Variants in PIEZO2 observed in about 807,000 individuals in gnomAD.
The protein encoded by PIEZO2 is piezo type mechanosensitive ion channel component 2, also known as piezo-type mechanosensitive ion channel component 2.
Under a neutral mutation model 337.3 loss-of-function variants are expected in PIEZO2, and 172 were observed. That is an observed-to-expected ratio of 0.51 (90% CI 0.45 to 0.58). The LOEUF is 0.58. PIEZO2 is among the 20% of genes least tolerant of loss of function. The pLI is 0.00. For missense variants in PIEZO2, 3,028 were observed against 3,391.3 expected (o/e 0.89, Z 2.66); for synonymous variants, 1,251 against 1,228.5 (o/e 1.02, Z -0.38).
At chr18:11,024,639 T>G (rs983770507) in intron 2 of PIEZO2, among the ~76,000 whole-genome samples, 1 of 151,880 alleles carries the variant, frequency 6.6e-6, no homozygotes, top group African/African-American at 2.4e-5. Flanking sequence ...TTTAAGGTTT[T>G]GTTTTGTTTC....
chr18:10,723,697 G>A (rs753649764), intron 36 of PIEZO2, among the ~76,000 whole-genome samples: 6 of 152,238 alleles, frequency 3.9e-5, no homozygotes, highest in East Asian at 1.9e-4. Context: ...GGGGGGAGAC[G>A]GGATTGGACT....
chr18:10,949,322 C>A (rs554276366), intron 3 of PIEZO2, among the ~76,000 whole-genome samples: 1 of 152,248 alleles, frequency 6.6e-6, no homozygotes, highest in Non-Finnish European at 1.5e-5. Flanking sequence ...CCTACAAAAA[C>A]AAGAACAATC....
intron 3 of PIEZO2, among the ~76,000 whole-genome samples, chr18:10,949,714 A>T (rs184024961): frequency 6.8e-4 from 103 of 152,348 alleles, no homozygotes; most frequent in Non-Finnish European, 1.2e-3. Context: ...ATGCAGAGAG[A>T]AGGTGTTTTC....
intron 2 of PIEZO2, among the ~76,000 whole-genome samples, chr18:11,049,746 C>T (rs2037453724): frequency 6.6e-6 from 1 of 152,186 alleles, no homozygotes; most frequent in Non-Finnish European, 1.5e-5. Flanking sequence ...TCTGTCTTGC[C>T]TGCCACCATG....
chr18:10,771,835 G>A (rs142751286), intron 20 of PIEZO2, among the ~76,000 whole-genome samples: 10 of 152,200 alleles, frequency 6.6e-5, no homozygotes, highest in African/African-American at 2.4e-4. Flanking sequence ...TGTCCAGCAG[G>A]GCCATGCTGT....
rs532070199 is a variant in PIEZO2 at position 10,736,494 on chromosome 18, G to T, written c.4815+110C>A. 1.0e-4 allele frequency: 145 copies of T among 1,401,246 alleles called. 3 individuals are homozygous for T. In the South Asian group the frequency reaches 2.0e-3, roughly 19 times the overall value. 86.8% of individuals were successfully genotyped at this position (1,401,246 alleles called of 1,614,324 possible). A position where few individuals can be genotyped will look rare whatever the true frequency, so the allele number is the denominator to read the frequency against. On this transcript the variant is annotated intron_variant, in intron 34 of 55. Coordinates refer to ENST00000674853, the MANE Select transcript of PIEZO2 (RefSeq NM_001378183.1). ...ATTGCAGATGTAAATCAGAAGCTTCGGGGAGCTATGACATATGAATATTAC... is the reference window on the plus strand; with the variant it reads ...ATTGCAGATGTAAATCAGAAGCTTCTGGGAGCTATGACATATGAATATTAC...
At chr18:11,023,756 C>G (rs922685994) in intron 2 of PIEZO2, among the ~76,000 whole-genome samples, 1 of 152,206 alleles carries the variant, frequency 6.6e-6, no homozygotes, top group African/African-American at 2.4e-5. Context: ...GGGGGAGGCT[C>G]AGGCATGGTG....
chr18:10,918,050 G>C (rs1467073605), intron 3 of PIEZO2, among the ~76,000 whole-genome samples: 2 of 152,260 alleles, frequency 1.3e-5, no homozygotes, highest in East Asian at 3.9e-4. Flanking sequence ...CCAATATTAA[G>C]ATGATCTTCT....
chr18:10,883,959 C>T (rs760723933), intron 4 of PIEZO2, among the ~76,000 whole-genome samples: 2 of 151,866 alleles, frequency 1.3e-5, no homozygotes, highest in Admixed American at 1.3e-4. Context: ...TACAGGTGCC[C>T]GCCACCATGC....
intron 27 of PIEZO2, among the ~76,000 whole-genome samples, chr18:10,755,611 C>T (rs2037805901): frequency 6.6e-6 from 1 of 152,118 alleles, no homozygotes; most frequent in African/African-American, 2.4e-5. Context: ...GGTGAGAGGT[C>T]GAGCACGGTT....
rs867416992 is a variant in PIEZO2 at position 11,128,576 on chromosome 18, G to A, written c.64+19949C>T. On this transcript the variant is annotated intron_variant, in intron 1 of 55. Coordinates refer to ENST00000674853, the MANE Select transcript of PIEZO2 (RefSeq NM_001378183.1). This position sits in a 1 kb window ranked among gnomAD's most constrained non-coding sequence, Gnocchi z 4.1. ...GCGGCAACATCCCTTCCCAAACCACGCTGCCATCAGCCTTTCCACCTTTGT... is the reference window on the plus strand; with the variant it reads ...GCGGCAACATCCCTTCCCAAACCACACTGCCATCAGCCTTTCCACCTTTGT... Among the ~76,000 whole-genome samples the A allele has an allele frequency of 1.3e-5, 2 of 152,100 alleles. No homozygotes were observed. The highest frequency in any genetic ancestry group is 1.9e-4 in the East Asian group (1 of 5,194).
Position 10,860,439 on chromosome 18 carries a change from C to T in PIEZO2, c.493-3228G>A, listed in dbSNP as rs866793468. On this transcript the variant is annotated intron_variant, in intron 5 of 55. Coordinates refer to ENST00000674853, the MANE Select transcript of PIEZO2 (RefSeq NM_001378183.1). ...GATGCCTTCTCCAGCTCCTAAGGCC[C>T]GGGTCCCAGGGCAGCTCTTCCATTC... Among the ~76,000 whole-genome samples the T allele has an allele frequency of 3.9e-5, 6 of 152,220 alleles. No homozygotes were observed. In the South Asian group the frequency reaches 6.2e-4, roughly 16 times the overall value.
intron 21 of PIEZO2, among the ~76,000 whole-genome samples, chr18:10,764,545 G>T (rs144998229): frequency 1.3e-5 from 2 of 150,532 alleles, no homozygotes; most frequent in African/African-American, 2.5e-5. Flanking sequence ...GGCCGAGATC[G>T]TGCCACTGCA....
In PIEZO2 at chr18:10,973,643, T is replaced by C. The variant is rs2034327803; in HGVS notation, c.286+5892A>G. On this transcript the variant is annotated intron_variant, in intron 3 of 55. Transcript: ENST00000674853. The surrounding 1 kb of genome is among the most constrained non-coding windows in gnomAD (Gnocchi z 4.9). Reference sequence around the variant, plus strand: ...TGTTGTATTGAGCGGCAACATCTGCTTTCAGGAAGCTGGCCCGAGGAGAGA... The same window carrying C: ...TGTTGTATTGAGCGGCAACATCTGCCTTCAGGAAGCTGGCCCGAGGAGAGA... 6.6e-6 allele frequency among the ~76,000 whole-genome samples: 1 copy of C among 152,204 alleles called. No homozygotes were observed. The highest frequency in any genetic ancestry group is 1.5e-5 in the Non-Finnish European group (1 of 68,032).
Position 10,680,213 on chromosome 18 carries a change from T to A in PIEZO2, c.7938A>T (p.Ser2646=). ...ACAGTAACTACCTCTGAATACTCCATGAAAAAACAACAGAGAAGCTACTAT... is the reference window on the plus strand; with the variant it reads ...ACAGTAACTACCTCTGAATACTCCAAGAAAAAACAACAGAGAAGCTACTAT... The part of the protein sequence containing the change: ...DPNSSFSVVF[S]WSIQRNLSLG... The change falls in exon 52 of 56, where the codon TCA becomes TCT. Residue 2646 remains serine (S), a synonymous_variant. Coordinates refer to ENST00000674853, the MANE Select transcript of PIEZO2 (RefSeq NM_001378183.1). 1.2e-6 allele frequency: 2 copies of A among 1,612,946 alleles called. No homozygotes were observed. The highest frequency in any genetic ancestry group is 2.2e-5 in the East Asian group (1 of 44,842).
At position 10,707,566 on chromosome 18, in the gene PIEZO2, G is replaced by GC. The variant is rs1292404561; in HGVS notation, c.5588+708dup. ...ACAGTGTAGCTGCTGACTTCATTGT[G>GC]CCCCCTCACCATCCTAAGGCAATTC... is the stretch of plus-strand genomic sequence containing the variant. On this transcript the variant is annotated intron_variant, in intron 40 of 55. Transcript: ENST00000674853. This position sits in a 1 kb window ranked among gnomAD's most constrained non-coding sequence, Gnocchi z 4.2. Among the ~76,000 whole-genome samples the GC allele has an allele frequency of 6.6e-6, 1 of 152,122 alleles. No homozygotes were observed. Among genetic ancestry groups the GC allele is most frequent in the East Asian group, 1.9e-4 (1 of 5,188 alleles).
chr18:10,967,126 AC>A (rs1411139852), intron 3 of PIEZO2, among the ~76,000 whole-genome samples: 1 of 145,970 alleles, frequency 6.9e-6, no homozygotes, highest in African/African-American at 2.6e-5. Flanking sequence ...CAAACAATTC[AC>A]CTGCCTCAGC....
In PIEZO2 at chr18:10,943,276, T is replaced by C. The variant is rs1330026211; in HGVS notation, c.287-32048A>G. On this transcript the variant is annotated intron_variant, in intron 3 of 55. Coordinates refer to ENST00000674853, the MANE Select transcript of PIEZO2 (RefSeq NM_001378183.1). This position sits in a 1 kb window ranked among gnomAD's most constrained non-coding sequence, Gnocchi z 4.5. ...AGATCCACCAACAGCTTGCACCATG[T>C]GCCTGGAAAAGCCGCAGACACTCAA... Among the ~76,000 whole-genome samples the C allele has an allele frequency of 6.6e-6, 1 of 152,156 alleles. No individual in the cohort carries two copies. The highest frequency in any genetic ancestry group is 1.5e-5 in the Non-Finnish European group (1 of 68,030).
At chr18:10,692,573 C>T (rs553623036) in intron 47 of PIEZO2, among the ~76,000 whole-genome samples, 4 of 152,016 alleles carry the variant, frequency 2.6e-5, no homozygotes, top group South Asian at 2.1e-4. Flanking sequence ...CCCACACCCC[C>T]GTGGAGATAT....
Sources: gnomAD v4.1 joint callset for allele counts (sites outside exome capture counted in the v4.1 genomes callset) on GRCh38, gnomAD v4.1.1 for gene constraint, Gnocchi (gnomAD v3.1) non-coding constraint, MANE v1.5 for transcripts, NCBI Gene and HGNC (gene_info 2026-07-23, HGNC 2026-07-21) for gene names.